The following CPEB1 variants were observed in gnomAD, a reference collection of about 807,000 sequenced individuals.
CPEB1 encodes the protein cytoplasmic polyadenylation element-binding protein 1.
CPEB1 carries 7 observed loss-of-function variants against 65.8 expected under a neutral mutation model. The observed-to-expected ratio is 0.11, with a 90% confidence interval of 0.06 to 0.20. The LOEUF (loss-of-function observed/expected upper bound fraction) is 0.20, where lower values mean the gene tolerates loss of function less well. Ranked by LOEUF, CPEB1 falls within the 10% of genes least tolerant of loss-of-function variation. The probability of loss-of-function intolerance (pLI) is 1.00; values close to 1 mark genes in which losing one functional copy is unlikely to be tolerated. For synonymous variants in CPEB1, 262 were observed against 260.0 expected, an observed-to-expected ratio of 1.01 and a Z score of -0.08; for missense variants, 551 against 712.2, an observed-to-expected ratio of 0.77 and a Z score of 2.58.
intron 3 of CPEB1, among the ~76,000 whole-genome samples, chr15:82,601,617 TC>T (rs909812463): frequency 1.3e-5 from 2 of 152,044 alleles, no homozygotes; most frequent in African/African-American, 4.8e-5. Context: ...AAAACCAATA[TC>T]CCAACTATAT....
chr15:82,582,588 C>T (rs2041385592), intron 3 of CPEB1, among the ~76,000 whole-genome samples: 4 of 152,038 alleles, frequency 2.6e-5, no homozygotes, highest in African/African-American at 9.7e-5. Flanking sequence ...GACCTCTCTC[C>T]CACAATGGGA....
At chr15:82,621,940 T>A (rs1018513713) in intron 3 of CPEB1, among the ~76,000 whole-genome samples, 1 of 152,192 alleles carries the variant, frequency 6.6e-6, no homozygotes, top group African/African-American at 2.4e-5. Context: ...ATGAAACTGC[T>A]CCTCCAATCA....
intron 1 of CPEB1, among the ~76,000 whole-genome samples, chr15:82,646,401 G>A (rs2047527122): frequency 6.6e-6 from 1 of 152,190 alleles, no homozygotes; most frequent in South Asian, 2.1e-4. Context: ...GGAGACCAAG[G>A]GAAGCGGTTG....
intron 3 of CPEB1, among the ~76,000 whole-genome samples, chr15:82,619,237 T>G (rs930536227): frequency 6.6e-6 from 1 of 152,216 alleles, no homozygotes; most frequent in African/African-American, 2.4e-5. Flanking sequence ...CTGAGTCAAC[T>G]GGCTATCCAC....
At chr15:82,604,732 C>T (rs2043410220) in intron 3 of CPEB1, among the ~76,000 whole-genome samples, 1 of 152,062 alleles carries the variant, frequency 6.6e-6, no homozygotes, top group South Asian at 2.1e-4. Context: ...ATTATCCAGT[C>T]TGAGGACAAG....
chr15:82,629,839 T>C, intron 1 of CPEB1: 1 of 985,456 alleles, frequency 1.0e-6, no homozygotes, highest in Non-Finnish European at 1.2e-6. Flanking sequence ...CAAGAGCATT[T>C]ACAGTTTTAC....
rs1173922723 is a variant in CPEB1 at position 82,543,504 on chromosome 15, G to C, written c.*1088C>G. ...AAAAAAGGAAAGAAAAAAAAGTCAAGTTTTCAAATTCCAGTGGCATTTCAG... is the reference window on the plus strand; with the variant it reads ...AAAAAAGGAAAGAAAAAAAAGTCAACTTTTCAAATTCCAGTGGCATTTCAG... On this transcript the variant is annotated 3_prime_UTR_variant, in exon 13 of 13. Coordinates refer to ENST00000684509, the MANE Select transcript of CPEB1 (RefSeq NM_001365242.1). 1.5e-5 allele frequency: 2 copies of C among 129,272 alleles called. No individual in the cohort carries two copies. Among genetic ancestry groups the C allele is most frequent in the Non-Finnish European group, 3.3e-5 (2 of 61,182 alleles). The allele number at this position is 129,272 out of a possible 1,614,324, so 8.0% of individuals were successfully genotyped here.
chr15:82,559,551 T>A (rs140310004), intron 4 of CPEB1, among the ~76,000 whole-genome samples: 9 of 152,344 alleles, frequency 5.9e-5, no homozygotes, highest in African/African-American at 2.2e-4. Context: ...GTTTGGTCAA[T>A]CTTTTTATAT....
chr15:82,582,195 A>G (rs1204450970), intron 3 of CPEB1, among the ~76,000 whole-genome samples: 3 of 152,212 alleles, frequency 2.0e-5, no homozygotes, highest in Non-Finnish European at 4.4e-5. Context: ...CTATTCTATG[A>G]GCTTTGTATC....
chr15:82,644,866 T>TC (rs1025103420), intron 1 of CPEB1, among the ~76,000 whole-genome samples: 1 of 152,256 alleles, frequency 6.6e-6, no homozygotes, highest in Non-Finnish European at 1.5e-5. Flanking sequence ...GGTCACTAGT[T>TC]AAGTTTGGTG....
chr15:82,573,322 TGTTTGTCAAA>T (rs1473047804), intron 3 of CPEB1: 6 of 696,608 alleles, frequency 8.6e-6, no homozygotes, highest in Non-Finnish European at 1.4e-5. Flanking sequence ...TCCCTATCTG[TGTTTGTCAAA>T]GCCTTGTTCA....
chr15:82,626,162 G>A (rs1174241020), intron 3 of CPEB1, among the ~76,000 whole-genome samples: 1 of 148,838 alleles, frequency 6.7e-6, no homozygotes, highest in Non-Finnish European at 1.5e-5. Context: ...AAGGCCGGGT[G>A]CAGTGGCTCA....
chr15:82,552,649 A>G lies in CPEB1; in HGVS notation c.1145-33T>C, dbSNP rs367787902. 4.3e-6 allele frequency: 7 copies of G among 1,612,266 alleles called. No individual in the cohort carries two copies. In the African/African-American group the frequency reaches 9.4e-5, roughly 22 times the overall value. Reference sequence around the variant, plus strand: ...CAATGAGAGGAAAAATCGCATTAATATCCCTTAGGTGGCCACTCCTCAGCC... The same window carrying G: ...CAATGAGAGGAAAAATCGCATTAATGTCCCTTAGGTGGCCACTCCTCAGCC... On this transcript the variant is annotated intron_variant, in intron 8 of 12. Transcript: ENST00000684509.
chr15:82,631,775 T>A (rs962412683), intron 1 of CPEB1, among the ~76,000 whole-genome samples: 5 of 152,116 alleles, frequency 3.3e-5, no homozygotes, highest in African/African-American at 1.2e-4. Flanking sequence ...AAATGCTTAA[T>A]TAAAAGGCAA....
intron 3 of CPEB1, among the ~76,000 whole-genome samples, chr15:82,592,723 C>T (rs763278275): frequency 2.6e-5 from 4 of 152,232 alleles, no homozygotes; most frequent in East Asian, 1.9e-4. Flanking sequence ...CGGTGGTTCA[C>T]GCCTGTAATC....
intron 12 of CPEB1, among the ~76,000 whole-genome samples, chr15:82,545,959 A>G (rs897123101): frequency 1.3e-5 from 2 of 151,900 alleles, no homozygotes; most frequent in Non-Finnish European, 1.5e-5. Flanking sequence ...TAAAGACTCA[A>G]TTCAACATAT....
intron 3 of CPEB1, among the ~76,000 whole-genome samples, chr15:82,579,950 AAAAAAAAGACT>A (rs2041095339): frequency 7.4e-6 from 1 of 134,966 alleles, no homozygotes. Flanking sequence ...AAAAAAAAAA[AAAAAAAAGACT>A]CTCAAGCACA....
intron 1 of CPEB1, among the ~76,000 whole-genome samples, chr15:82,634,430 C>T (rs1260587849): frequency 6.6e-6 from 1 of 152,208 alleles, no homozygotes; most frequent in African/African-American, 2.4e-5. Flanking sequence ...GGGATACTCA[C>T]CTGTCGTAAA....
rs1228460018 is a variant in CPEB1, at chr15:82,543,372, A to G, written c.*1220T>C. ...ATATGCAACAATGCAACGTCAGCTC[A>G]GCAGGAGGGAGGGGTTATGACACTG... is the stretch of plus-strand genomic sequence containing the variant. On this transcript the variant is annotated 3_prime_UTR_variant, in exon 13 of 13. Transcript: ENST00000684509. 8 of 152,104 alleles carry G rather than the reference A, an allele frequency of 5.3e-5. No individual in the cohort carries two copies. The East Asian group carries it at 5.8e-4, about 11-fold the overall frequency. The allele number at this position is 152,104 out of a possible 1,614,324, so 9.4% of individuals were successfully genotyped here.
Sources: allele counts gnomAD v4.1 joint callset (sites outside exome capture counted in the v4.1 genomes callset), GRCh38; gene constraint gnomAD v4.1.1; transcripts MANE v1.5; gene names NCBI Gene and HGNC (gene_info 2026-07-23, HGNC 2026-07-21).